Variants in RYR2 observed in about 807,000 individuals in gnomAD.
RYR2 encodes the protein ryanodine receptor 2.
RYR2 carries 227 observed loss-of-function variants against 601.1 expected under a neutral mutation model. The observed-to-expected ratio is 0.38, with a 90% CI of 0.34 to 0.42. RYR2 has a LOEUF of 0.42. Among genes scored for constraint, RYR2 ranks in the 10% least tolerant of loss-of-function variants. The pLI is 1.00. For synonymous variants in RYR2, 2,223 were observed against 2,175.1 expected (o/e 1.02, Z -0.61); for missense variants, 4,646 against 6,156.5 (o/e 0.75, Z 8.21).
intron 84 of RYR2, among the ~76,000 whole-genome samples, chr1:237,763,947 G>A (rs1490751232): frequency 6.6e-6 from 1 of 152,164 alleles, no homozygotes; most frequent in Non-Finnish European, 1.5e-5. Context: ...GATAGAAAAG[G>A]CTGAAAAAGC....
At chr1:237,448,372 G>A (rs773192697) in intron 14 of RYR2, among the ~76,000 whole-genome samples, 5 of 152,136 alleles carry the variant, frequency 3.3e-5, no homozygotes, top group Admixed American at 3.3e-4. Context: ...TATACTTTGT[G>A]AGACTGATCG....
At chr1:237,075,317 G>C (rs539067222) in intron 1 of RYR2, among the ~76,000 whole-genome samples, 1 of 151,752 alleles carries the variant, frequency 6.6e-6, no homozygotes, top group African/African-American at 2.4e-5. Flanking sequence ...AGCTCCCAGC[G>C]TGAGCGACGC....
intron 62 of RYR2, 44 bp downstream of exon 62, chr1:237,680,621 A>T: frequency 2.0e-6 from 3 of 1,510,396 alleles, no homozygotes; most frequent in Non-Finnish European, 2.7e-6. Flanking sequence ...ACTTAGGTGT[A>T]TATGCAGTTG....
rs776702428 is a variant in RYR2, at chr1:237,594,886, G to GTTTTTTTTTTTTTTTTTTTT, written c.4437-586_4437-567dup. On this transcript the variant is annotated intron_variant, in intron 33 of 104. Coordinates refer to ENST00000366574, the MANE Select transcript of RYR2 (RefSeq NM_001035.3). The stretch of plus-strand genomic sequence containing the variant: ...TGGCATTTGTGGTTAATATCACTGG[G>GTTTTTTTTTTTTTTTTTTTT]TTTTTTTTTTTTTTTTTTTTTTTTT... 6.6e-5 allele frequency among the ~76,000 whole-genome samples: 4 copies of GTTTTTTTTTTTTTTTTTTTT among 60,420 alleles called. 1 individual carries two copies. Among genetic ancestry groups the GTTTTTTTTTTTTTTTTTTTT allele is most frequent in the African/African-American group, 3.8e-4 (4 of 10,490 alleles). 39.6% of individuals were successfully genotyped at this position (60,420 alleles called of 152,430 possible).
intron 1 of RYR2, among the ~76,000 whole-genome samples, chr1:237,185,786 T>G (rs531447425): frequency 6.6e-6 from 1 of 152,298 alleles, no homozygotes; most frequent in East Asian, 1.9e-4. Flanking sequence ...TTTAGAGGTA[T>G]AGACAACAAG....
At chr1:237,362,853 T>C (rs1250067534) in intron 4 of RYR2, among the ~76,000 whole-genome samples, 2 of 152,222 alleles carry the variant, frequency 1.3e-5, no homozygotes, top group East Asian at 3.9e-4. Flanking sequence ...ATTTGCTATT[T>C]TTCAGTATTC....
intron 1 of RYR2, among the ~76,000 whole-genome samples, chr1:237,148,809 A>C (rs926902116): frequency 1.3e-5 from 2 of 152,052 alleles, no homozygotes; most frequent in African/African-American, 4.8e-5. Context: ...CCAAGTGTCT[A>C]GTACACAGTA....
At chr1:237,208,296 T>G (rs1682040587) in intron 1 of RYR2, among the ~76,000 whole-genome samples, 1 of 152,220 alleles carries the variant, frequency 6.6e-6, no homozygotes, top group Admixed American at 6.5e-5. Context: ...GGGATGATTT[T>G]GAGTGTTCAA....
chr1:237,309,738 G>C (rs1169883401), intron 2 of RYR2, among the ~76,000 whole-genome samples: 1 of 152,182 alleles, frequency 6.6e-6, no homozygotes, highest in South Asian at 2.1e-4. Context: ...GGGAGGCTCG[G>C]GCATGGCAGG....
At chr1:237,617,173 G>A (rs1363958699) in intron 37 of RYR2, 113 bp from the exon 38 acceptor site, 2 of 990,306 alleles carry the variant, frequency 2.0e-6, no homozygotes, top group East Asian at 5.3e-5. Flanking sequence ...TCAGGATTCT[G>A]TTTCTAAGAG....
intron 3 of RYR2, among the ~76,000 whole-genome samples, chr1:237,336,583 C>T (rs546832593): frequency 6.6e-5 from 10 of 152,260 alleles, no homozygotes; most frequent in Admixed American, 2.0e-4. Context: ...TGGCTGGGCA[C>T]GGTGGCTCAC....
chr1:237,671,880 G>T (rs889109997), intron 58 of RYR2, among the ~76,000 whole-genome samples: 1 of 152,084 alleles, frequency 6.6e-6, no homozygotes, highest in East Asian at 1.9e-4. Flanking sequence ...CAAGTATTTT[G>T]TACCATGGTC....
intron 10 of RYR2, among the ~76,000 whole-genome samples, chr1:237,401,252 G>GCA (rs1703322628): frequency 6.6e-6 from 1 of 152,112 alleles, no homozygotes; most frequent in Non-Finnish European, 1.5e-5. Context: ...GCACCAACTA[G>GCA]CATACTGCGG....
rs570371986 is a variant in RYR2, at chr1:237,671,075, G to A, written c.8591-3021G>A. Among the ~76,000 whole-genome samples, 3 of 152,232 alleles carry A rather than the reference G, an allele frequency of 2.0e-5. No individual in the cohort carries two copies. The East Asian group carries it at 5.8e-4, about 29-fold the overall frequency. On this transcript the variant is annotated intron_variant, in intron 58 of 104. Coordinates refer to ENST00000366574, the MANE Select transcript of RYR2 (RefSeq NM_001035.3). Reference sequence around the variant, plus strand: ...TGGCTCAAATTTGTATTCTGTAGTTGGGAAACTAACCTAGTGGCAGCAGAC... The same window carrying A: ...TGGCTCAAATTTGTATTCTGTAGTTAGGAAACTAACCTAGTGGCAGCAGAC...
Position 237,093,410 on chromosome 1 carries a change from G to C in RYR2, c.48+50841G>C, listed in dbSNP as rs572943418. Among the ~76,000 whole-genome samples, 9 of 152,304 alleles carry C rather than the reference G, an allele frequency of 5.9e-5. No individual in the cohort carries two copies. The South Asian group carries it at 1.9e-3, about 32-fold the overall frequency. ...GATGATTTATTCATGACATGGAGCTGCCCGGGCAGTCACCTGGGAAAGAGA... is the reference window on the plus strand; with the variant it reads ...GATGATTTATTCATGACATGGAGCTCCCCGGGCAGTCACCTGGGAAAGAGA... On this transcript the variant is annotated intron_variant, in intron 1 of 104. Transcript: ENST00000366574.
intron 3 of RYR2, among the ~76,000 whole-genome samples, chr1:237,353,325 A>G (rs143129057): frequency 0.049 from 7,427 of 152,096 alleles, 250 homozygotes; most frequent in Non-Finnish European, 0.072. Flanking sequence ...CCTGGCCAAC[A>G]TGGTGAAACA....
At chr1:237,471,616 A>G (rs186005977) in intron 17 of RYR2, among the ~76,000 whole-genome samples, 2,119 of 152,322 alleles carry the variant, frequency 0.014, 14 homozygotes, top group African/African-American at 0.027. Context: ...GCACAGCGAA[A>G]TGCTTAACTG....
In RYR2 at chr1:237,594,115, G is replaced by A. The variant is rs182935189; in HGVS notation, c.4436+479G>A. ...CTTTCCTCAGCTTTGCCATTGACTCGCTGTGTGGCTTTGGGTAAGTCAGTT... is the reference window on the plus strand; with the variant it reads ...CTTTCCTCAGCTTTGCCATTGACTCACTGTGTGGCTTTGGGTAAGTCAGTT... On this transcript the variant is annotated intron_variant, in intron 33 of 104. Transcript: ENST00000366574. Among the ~76,000 whole-genome samples the A allele has an allele frequency of 2.2e-3, 335 of 152,272 alleles. 4 individuals are homozygous for A. The highest frequency in any genetic ancestry group is 7.6e-3 in the African/African-American group (316 of 41,552).
intron 80 of RYR2, among the ~76,000 whole-genome samples, chr1:237,750,490 TATA>T (rs1464609635): frequency 6.6e-6 from 1 of 151,186 alleles, no homozygotes; most frequent in African/African-American, 2.4e-5. Context: ...AATTTAATAA[TATA>T]ATGAACTTTA....
Sources: allele counts gnomAD v4.1 joint callset (sites outside exome capture counted in the v4.1 genomes callset), GRCh38; gene constraint gnomAD v4.1.1; transcripts MANE v1.5; gene names NCBI Gene and HGNC (gene_info 2026-07-23, HGNC 2026-07-21).